The following ROBO2 variants were observed in gnomAD, a reference collection of about 807,000 sequenced individuals.
ROBO2 encodes roundabout guidance receptor 2, also known as roundabout homolog 2.
In ROBO2, 53 loss-of-function variants were observed where a neutral mutation model predicts 160.8. The ratio of observed to expected loss-of-function variants is 0.33; its 90% CI spans 0.26 to 0.41. The LOEUF (loss-of-function observed/expected upper bound fraction) is 0.41, where lower values mean the gene tolerates loss of function less well. Ranked by LOEUF, ROBO2 falls within the 10% of genes least tolerant of loss-of-function variation. The pLI is 1.00. For missense variants in ROBO2, 1,577 were observed against 1,722.4 expected (o/e 0.92, Z 1.49); for synonymous variants, 664 against 611.7 (o/e 1.09, Z -1.26).
intron 2 of ROBO2, among the ~76,000 whole-genome samples, chr3:77,122,350 A>C (rs921834771): frequency 1.2e-4 from 18 of 152,144 alleles, no homozygotes; most frequent in Non-Finnish European, 2.9e-5. Flanking sequence ...GTTTGATTTC[A>C]AATTTCAGTC....
intron 2 of ROBO2, among the ~76,000 whole-genome samples, chr3:77,182,390 T>A (rs80061390): frequency 0.075 from 11,442 of 152,054 alleles, 492 homozygotes; most frequent in African/African-American, 0.11. Context: ...GAGAAAGACA[T>A]GTAAATAAAT....
intron 1 of ROBO2, among the ~76,000 whole-genome samples, chr3:77,087,129 G>A (rs2069434065): frequency 6.6e-6 from 1 of 151,944 alleles, no homozygotes; most frequent in East Asian, 1.9e-4. Context: ...AGAAACAGAA[G>A]GAAATATAAT....
chr3:76,561,026 G>T, intron 2 of ROBO2, among the ~76,000 whole-genome samples: 1 of 147,230 alleles, frequency 6.8e-6, no homozygotes, highest in Non-Finnish European at 1.5e-5. Flanking sequence ...AGCTATAATG[G>T]TGATAGTCAA....
intron 2 of ROBO2, among the ~76,000 whole-genome samples, chr3:77,224,787 T>C (rs953711513): frequency 6.6e-6 from 1 of 151,884 alleles, no homozygotes; most frequent in African/African-American, 2.4e-5. Context: ...TCTTGATAGT[T>C]TGAATTTCAA....
intron 2 of ROBO2, among the ~76,000 whole-genome samples, chr3:77,106,461 A>T (rs1467225179): frequency 6.6e-6 from 1 of 152,126 alleles, no homozygotes; most frequent in Non-Finnish European, 1.5e-5. Context: ...GCAGTAACTC[A>T]TATGCTTTTC....
intron 2 of ROBO2, among the ~76,000 whole-genome samples, chr3:76,686,002 G>A (rs1410075181): frequency 6.6e-6 from 1 of 152,078 alleles, no homozygotes; most frequent in Non-Finnish European, 1.5e-5. Context: ...AGAAGCTAGA[G>A]CGACGGTGAA....
intron 2 of ROBO2, among the ~76,000 whole-genome samples, chr3:76,686,701 A>G (rs1201954583): frequency 6.6e-6 from 1 of 152,120 alleles, no homozygotes; most frequent in Non-Finnish European, 1.5e-5. Context: ...TCATGCCTAT[A>G]ATTCCAGCTA....
intron 2 of ROBO2, among the ~76,000 whole-genome samples, chr3:75,960,497 A>T (rs558170383): frequency 8.6e-5 from 13 of 151,880 alleles, no homozygotes; most frequent in Non-Finnish European, 1.6e-4. Flanking sequence ...TATAAAGATT[A>T]TAGGGGTGGT....
At chr3:76,527,875 T>C (rs2082028320) in intron 2 of ROBO2, among the ~76,000 whole-genome samples, 1 of 152,122 alleles carries the variant, frequency 6.6e-6, no homozygotes, top group African/African-American at 2.4e-5. Context: ...AGCTATCTTT[T>C]GGAAAATCAT....
At chr3:76,814,922 T>G (rs999366080) in intron 2 of ROBO2, among the ~76,000 whole-genome samples, 1 of 152,048 alleles carries the variant, frequency 6.6e-6, no homozygotes, top group East Asian at 1.9e-4. Context: ...TTGCAAAGGA[T>G]CTACTAGTAC....
rs1583311164 is a variant in ROBO2, at chr3:77,617,714, G to T, written c.3495G>T (p.Leu1165=). Residue 1165 remains leucine (L), a synonymous_variant, in exon 22 of 26, where the codon CTG becomes CTT. Coordinates refer to ENST00000461745, the Ensembl canonical transcript of ROBO2. ...CACGGGAAGAGATGCAACCCATGCT[G>T]CAGGCTCACCTGGATGAGTTGACAA... is the stretch of plus-strand genomic sequence containing the variant. The T allele has an allele frequency of 1.9e-6, 3 of 1,614,004 alleles. No homozygotes were observed. The highest frequency in any genetic ancestry group is 4.5e-5 in the East Asian group (2 of 44,862).
At chr3:76,945,334 C>T (rs1255409542) in intron 2 of ROBO2, among the ~76,000 whole-genome samples, 1 of 152,118 alleles carries the variant, frequency 6.6e-6, no homozygotes, top group Non-Finnish European at 1.5e-5. Context: ...AAACAAACAT[C>T]CAACTTGCCA....
intron 2 of ROBO2, among the ~76,000 whole-genome samples, chr3:76,886,397 T>TAAA (rs113249255): frequency 0.031 from 4,573 of 145,786 alleles, 94 homozygotes; most frequent in African/African-American, 0.065. Flanking sequence ...CCTTTTAACT[T>TAAA]AAAAAAAAAA....
chr3:77,166,310 A>G (rs1221139616), intron 2 of ROBO2, among the ~76,000 whole-genome samples: 1 of 152,128 alleles, frequency 6.6e-6, no homozygotes, highest in Non-Finnish European at 1.5e-5. Context: ...TCTTCTACAT[A>G]ATCACAATAT....
chr3:77,569,712 T>G (rs545460697), intron 13 of ROBO2, among the ~76,000 whole-genome samples: 2 of 152,122 alleles, frequency 1.3e-5, no homozygotes, highest in East Asian at 1.9e-4. Flanking sequence ...CTTCCTTCTT[T>G]TTTGCTTAGG....
At position 77,020,986 on chromosome 3, in the gene ROBO2, C is replaced by G. The variant is rs560944651; in HGVS notation, c.110-77028C>G. On this transcript the variant is annotated intron_variant, in intron 2 of 26. Transcript: ENST00000487694. The stretch of plus-strand genomic sequence containing the variant: ...TTGGTAGGCTAAGGTGGAAGGGTTG[C>G]TTGAGCTCAGGGGTTCAAGACCAGT... Among the ~76,000 whole-genome samples the G allele has an allele frequency of 7.2e-4, 109 of 152,160 alleles. No homozygotes were observed. In the South Asian group the frequency reaches 0.012, roughly 17 times the overall value.
At chr3:76,978,944 T>A (rs113491033) in intron 2 of ROBO2, among the ~76,000 whole-genome samples, 1,629 of 141,476 alleles carry the variant, frequency 0.012, 26 homozygotes, top group African/African-American at 0.036. Context: ...GTTTGTTTTT[T>A]AAAAAAAAAA....
chr3:77,537,647 A>C (rs34904379), intron 6 of ROBO2, among the ~76,000 whole-genome samples: 4,770 of 152,244 alleles, frequency 0.031, 105 homozygotes, highest in Middle Eastern at 0.078. Flanking sequence ...TTATTGTATT[A>C]GTCTGTTCTC....
chr3:76,441,498 C>T (rs1028790124), intron 2 of ROBO2, among the ~76,000 whole-genome samples: 6 of 152,120 alleles, frequency 3.9e-5, no homozygotes, highest in African/African-American at 1.4e-4. Context: ...AGGGAAGAAC[C>T]GTAGTTTTCA....
Sources: allele counts gnomAD v4.1 joint callset (sites outside exome capture counted in the v4.1 genomes callset), GRCh38; gene constraint gnomAD v4.1.1; transcripts MANE v1.5; gene names NCBI Gene and HGNC (gene_info 2026-07-23, HGNC 2026-07-21).